The following CECR2 variants were observed in gnomAD, a reference collection of about 807,000 sequenced individuals.
The protein encoded by CECR2 is chromatin remodeling regulator CECR2.
A neutral mutation model predicts 154.5 loss-of-function variants in CECR2; 30 were observed. That is an observed-to-expected ratio of 0.19 (90% CI 0.15 to 0.26). The LOEUF is 0.26. Among genes scored for constraint, CECR2 ranks in the 10% least tolerant of loss-of-function variants. The pLI is 1.00. For missense variants in CECR2, 1,743 were observed against 1,829.3 expected (o/e 0.95, Z 0.86); for synonymous variants, 725 against 683.7 (o/e 1.06, Z -0.94).
At chr22:17,535,372 T>C (rs1406846938) in intron 9 of CECR2, among the ~76,000 whole-genome samples, 1 of 152,100 alleles carries the variant, frequency 6.6e-6, no homozygotes, top group Admixed American at 6.6e-5. Flanking sequence ...CCTTTGACAG[T>C]GCCTGATGAA....
chr22:17,404,364 CTTTCTTTTT>C (rs1311967518), intron 1 of CECR2, among the ~76,000 whole-genome samples: 41 of 59,606 alleles, frequency 6.9e-4, no homozygotes, highest in African/African-American at 9.0e-4. Flanking sequence ...GGACCCTGTT[CTTTCTTTTT>C]TTTTTTTTTT....
At chr22:17,528,285 TA>T (rs1236126013) in intron 9 of CECR2, among the ~76,000 whole-genome samples, 2 of 152,200 alleles carry the variant, frequency 1.3e-5, no homozygotes, top group Non-Finnish European at 2.9e-5. Flanking sequence ...GTTATTATTT[TA>T]AATGAAATAA....
At chr22:17,551,475 G>GTTCCAGA (rs2056707213) in intron 17 of CECR2, among the ~76,000 whole-genome samples, 1 of 152,174 alleles carries the variant, frequency 6.6e-6, no homozygotes, top group Non-Finnish European at 1.5e-5. Context: ...CATGGAGAGT[G>GTTCCAGA]TTCCAGATTC....
At chr22:17,393,911 G>C (rs2053767813) in intron 1 of CECR2, among the ~76,000 whole-genome samples, 1 of 145,976 alleles carries the variant, frequency 6.9e-6, no homozygotes, top group South Asian at 2.1e-4. Flanking sequence ...TTTTGAGACG[G>C]AGTTTTGCTC....
chr22:17,423,687 T>C (rs1323198136), intron 1 of CECR2, among the ~76,000 whole-genome samples: 2 of 152,146 alleles, frequency 1.3e-5, no homozygotes, highest in Non-Finnish European at 2.9e-5. Flanking sequence ...TGGGTTCCCC[T>C]GGAGTTTTTA....
At chr22:17,454,783 G>A (rs1267292795) in intron 1 of CECR2, among the ~76,000 whole-genome samples, 1 of 152,112 alleles carries the variant, frequency 6.6e-6, no homozygotes, top group Non-Finnish European at 1.5e-5. Context: ...TTAATTTTAA[G>A]CATACCAATC....
At chr22:17,423,437 G>A (rs2054286389) in intron 1 of CECR2, among the ~76,000 whole-genome samples, 1 of 151,976 alleles carries the variant, frequency 6.6e-6, no homozygotes, top group African/African-American at 2.4e-5. Context: ...AACCCAGGAG[G>A]TGGAAGCTGC....
chr22:17,529,388 G>T (rs866952894), intron 9 of CECR2, among the ~76,000 whole-genome samples: 1 of 152,172 alleles, frequency 6.6e-6, no homozygotes, highest in Middle Eastern at 3.4e-3. Context: ...ATTGGGATGG[G>T]CTGTGCAGAC....
intron 6 of CECR2, among the ~76,000 whole-genome samples, chr22:17,503,871 A>AC: frequency 6.6e-6 from 1 of 151,606 alleles, no homozygotes; most frequent in Non-Finnish European, 1.5e-5. Context: ...ACATTGTGAA[A>AC]CCCCATCTCT....
At chr22:17,471,569 C>T (rs2079272325) in intron 1 of CECR2, among the ~76,000 whole-genome samples, 1 of 152,144 alleles carries the variant, frequency 6.6e-6, no homozygotes, top group Non-Finnish European at 1.5e-5. Flanking sequence ...CACTCTGGCT[C>T]TGTCGCCCAG....
intron 1 of CECR2, among the ~76,000 whole-genome samples, chr22:17,469,712 C>G (rs1164366865): frequency 1.3e-5 from 2 of 150,798 alleles, no homozygotes; most frequent in African/African-American, 4.9e-5. Context: ...TCAAGCATAT[C>G]TGGAAATCTT....
At chr22:17,439,274 T>TG (rs2054550427) in intron 1 of CECR2, among the ~76,000 whole-genome samples, 1 of 152,040 alleles carries the variant, frequency 6.6e-6, no homozygotes, top group African/African-American at 2.4e-5. Context: ...TAATTTCTGT[T>TG]CCAGTTACCA....
chr22:17,390,171 C>T (rs546016604), intron 1 of CECR2, among the ~76,000 whole-genome samples: 2 of 152,200 alleles, frequency 1.3e-5, no homozygotes, highest in African/African-American at 2.4e-5. Context: ...AAAATAGAGC[C>T]GTTTTTCAGT....
At chr22:17,451,508 TAGA>T (rs201841169) in intron 1 of CECR2, among the ~76,000 whole-genome samples, 1,929 of 152,282 alleles carry the variant, frequency 0.013, 31 homozygotes, top group African/African-American at 0.044. Context: ...CCTGAAAATT[TAGA>T]AGGACTCACA....
At position 17,542,192 on chromosome 22, in the gene CECR2, G is replaced by A. The variant is rs80293963; in HGVS notation, c.2049G>A (p.Arg683=). The change falls in exon 16 of 19, where the codon AGG becomes AGA. Residue 683 remains arginine, a synonymous_variant. Transcript: ENST00000262608. ...PVGINSLRGP[R]LGTPEEKQMC... ...GAATTAACAGCCTCCGAGGACCCAG[G>A]CTAGGCACACCAGAGGAGAAGCAAA... 1 of 1,612,972 alleles carries A rather than the reference G, an allele frequency of 6.2e-7. No individual in the cohort carries two copies. The highest frequency in any genetic ancestry group is 8.5e-7 in the Non-Finnish European group (1 of 1,179,372).
rs780724878 is a variant in CECR2 at position 17,511,801 on chromosome 22, T to A, written c.871-12T>A. The A allele has an allele frequency of 1.9e-6, 3 of 1,607,920 alleles. No individual in the cohort carries two copies. The African/African-American group carries it at 4.0e-5, about 22-fold the overall frequency. ...CTATCTTTTCCTTTCTCTTCTTCAC[T>A]TCTAACTATAGGGAAAACGTCCACA... On this transcript the variant is annotated splice_polypyrimidine_tract_variant and intron_variant, in intron 7 of 18. Transcript: ENST00000262608.
In CECR2 at chr22:17,553,095, A is replaced by C; in HGVS notation, c.*255A>C. 6.0e-6 allele frequency: 4 copies of C among 661,994 alleles called. No homozygotes were observed. Among genetic ancestry groups the C allele is most frequent in the African/African-American group, 1.9e-5 (1 of 53,164 alleles). The allele number at this position is 661,994 out of a possible 1,614,324, so 41.0% of individuals were successfully genotyped here. A position where few individuals can be genotyped will look rare whatever the true frequency, so the allele number is the denominator to read the frequency against. ...TGATGTAGACAGTCAGGCAAAACTA[A>C]TGAACGTGGAGTTAATGATGACTTT... is the stretch of plus-strand genomic sequence containing the variant. On this transcript the variant is annotated 3_prime_UTR_variant, in exon 19 of 19. Coordinates refer to ENST00000262608, the MANE Select transcript of CECR2 (RefSeq NM_001290047.2).
At chr22:17,453,822 A>G (rs2012188) in intron 1 of CECR2, among the ~76,000 whole-genome samples, 56,405 of 152,086 alleles carry the variant, frequency 0.37, 11,530 homozygotes, top group Non-Finnish European at 0.46. Context: ...AGAACTGCTG[A>G]CGAGCGTACC....
chr22:17,482,493 T>G (rs577039686), intron 2 of CECR2, among the ~76,000 whole-genome samples: 17 of 152,322 alleles, frequency 1.1e-4, no homozygotes, highest in African/African-American at 3.8e-4. Flanking sequence ...GTATTTACTG[T>G]GCCGTACTTT....
Sources: allele counts gnomAD v4.1 joint callset (sites outside exome capture counted in the v4.1 genomes callset), GRCh38; gene constraint gnomAD v4.1.1; transcripts MANE v1.5; gene names NCBI Gene and HGNC (gene_info 2026-07-23, HGNC 2026-07-21).